Variants in EPB41L2 observed in about 807,000 individuals in gnomAD.
EPB41L2 encodes the protein erythrocyte membrane protein band 4.1 like 2.
EPB41L2 carries 43 observed loss-of-function variants against 113.0 expected under a neutral mutation model. The ratio of observed to expected loss-of-function variants is 0.38; its 90% CI spans 0.30 to 0.49. EPB41L2 has a LOEUF of 0.49. Ranked by LOEUF, EPB41L2 falls within the 20% of genes least tolerant of loss-of-function variation. EPB41L2 has a pLI of 0.95. For missense variants in EPB41L2, 1,147 were observed against 1,223.4 expected (o/e 0.94, Z 0.93); for synonymous variants, 442 against 436.7 (o/e 1.01, Z -0.15).
intron 1 of EPB41L2, among the ~76,000 whole-genome samples, chr6:130,990,830 T>C (rs977571241): frequency 2.0e-4 from 29 of 146,704 alleles, no homozygotes; most frequent in Non-Finnish European, 4.3e-4. Context: ...ACAGGTAATT[T>C]TTTTTTTTTT....
In EPB41L2 at chr6:130,955,212, T is replaced by C; in HGVS notation, c.598A>G (p.Asn200Asp). The change falls in exon 3 of 20, where the codon AAT becomes GAT. Residue 200 changes from asparagine (N) to aspartate (D), a missense_variant. By Grantham distance (23) the Asn-to-Asp change is conservative (BLOSUM62 1). Transcript: ENST00000337057. ...AKRETKEVQTNELKAEKASQK... is the reference protein window; with the variant it reads ...AKRETKEVQTDELKAEKASQK... ...GATGCCTTCTCTGCTTTCAGCTCAT[T>C]GGTCTGCACTTCCTTGGTCTCCCTT... The C allele has an allele frequency of 6.2e-7, 1 of 1,614,200 alleles. No homozygotes were observed. Among genetic ancestry groups the C allele is most frequent in the South Asian group, 1.1e-5 (1 of 91,084 alleles).
chr6:130,879,790 T>C (rs898286233), intron 13 of EPB41L2, among the ~76,000 whole-genome samples: 1 of 152,222 alleles, frequency 6.6e-6, no homozygotes, highest in South Asian at 2.1e-4. Flanking sequence ...TTCTAGTTAA[T>C]ACATATTAAG....
intron 1 of EPB41L2, among the ~76,000 whole-genome samples, chr6:131,037,595 T>G (rs1793596315): frequency 6.7e-6 from 1 of 149,786 alleles, no homozygotes; most frequent in Non-Finnish European, 1.5e-5. Context: ...ATTTTTTTTT[T>G]TTTTTTTTTT....
At chr6:131,030,044 T>C (rs1000780700) in intron 1 of EPB41L2, among the ~76,000 whole-genome samples, 19 of 151,860 alleles carry the variant, frequency 1.3e-4, no homozygotes, top group Non-Finnish European at 1.9e-4. Flanking sequence ...CTTTAACAAA[T>C]GGTTCAGGGC....
chr6:130,908,579 A>C (rs1462023157), intron 5 of EPB41L2, among the ~76,000 whole-genome samples: 1 of 152,210 alleles, frequency 6.6e-6, no homozygotes, highest in Non-Finnish European at 1.5e-5. Flanking sequence ...AAAATGTCAG[A>C]TGTTACTTGG....
At chr6:130,969,208 T>A (rs1243512678) in intron 1 of EPB41L2, among the ~76,000 whole-genome samples, 4 of 151,118 alleles carry the variant, frequency 2.6e-5, no homozygotes. Context: ...AGACAATTCT[T>A]CCTTGTGACA....
intron 19 of EPB41L2, among the ~76,000 whole-genome samples, chr6:130,851,323 C>T (rs1778724266): frequency 6.6e-6 from 1 of 152,162 alleles, no homozygotes. Context: ...CTTATGAGTT[C>T]ATGTTTTGAA....
At chr6:130,844,956 C>G (rs1010341447) in intron 19 of EPB41L2, among the ~76,000 whole-genome samples, 2 of 152,252 alleles carry the variant, frequency 1.3e-5, no homozygotes, top group South Asian at 2.1e-4. Flanking sequence ...GCAGGAGAAT[C>G]GCTTGAACCC....
In EPB41L2 at chr6:130,993,801, A is replaced by T. The variant is rs1186666462; in HGVS notation, c.-14-37302T>A. Reference sequence around the variant, plus strand: ...ATTCCTATCTATTTGGTTATAGAAAAGGTAAAGCAGAGTAGGTTGCCCCAG... The same window carrying T: ...ATTCCTATCTATTTGGTTATAGAAATGGTAAAGCAGAGTAGGTTGCCCCAG... On this transcript the variant is annotated intron_variant, in intron 1 of 19. Transcript: ENST00000337057. Among the ~76,000 whole-genome samples the T allele has an allele frequency of 5.3e-5, 8 of 152,196 alleles. No individual in the cohort carries two copies. The East Asian group carries it at 1.5e-3, about 29-fold the overall frequency.
rs187001136 is a variant in EPB41L2 at position 130,954,256 on chromosome 6, T to A, written c.705+849A>T. 1.4e-4 allele frequency among the ~76,000 whole-genome samples: 21 copies of A among 152,020 alleles called. 1 individual carries two copies. The highest frequency in any genetic ancestry group is 1.2e-3 in the Admixed American group (19 of 15,256). On this transcript the variant is annotated intron_variant, in intron 3 of 19. Coordinates refer to ENST00000337057, the MANE Select transcript of EPB41L2 (RefSeq NM_001431.4). ...TTTTAGTAGAGACAGGGTTTCACCA[T>A]GTTAGCCAGGATGGTCTGGATCTCC...
intron 18 of EPB41L2, 151 bp from the exon 19 acceptor site, chr6:130,858,394 G>C: frequency 1.8e-6 from 1 of 565,302 alleles, no homozygotes; most frequent in Middle Eastern, 4.1e-4. Flanking sequence ...ATTTGAAATG[G>C]GTTCACTGTC....
At chr6:130,993,358 A>G (rs1425632099) in intron 1 of EPB41L2, among the ~76,000 whole-genome samples, 2 of 152,190 alleles carry the variant, frequency 1.3e-5, no homozygotes, top group Admixed American at 1.3e-4. Flanking sequence ...CCCAACATAT[A>G]TTTCTAAAAC....
At chr6:130,899,443 T>G (rs1194126201) in intron 8 of EPB41L2, 48 bp downstream of exon 8, 1 of 1,506,992 alleles carries the variant, frequency 6.6e-7, no homozygotes, top group East Asian at 2.3e-5. Flanking sequence ...TCTCAAAACC[T>G]CAGTCAACAG....
chr6:130,962,487 G>T (rs1773832644), intron 1 of EPB41L2, among the ~76,000 whole-genome samples: 1 of 152,146 alleles, frequency 6.6e-6, no homozygotes, highest in Admixed American at 6.5e-5. Context: ...GGGACTATTT[G>T]TTAGTTCATA....
At chr6:131,021,881 C>T (rs888353736) in intron 1 of EPB41L2, among the ~76,000 whole-genome samples, 12 of 152,124 alleles carry the variant, frequency 7.9e-5, no homozygotes, top group African/African-American at 2.7e-4. Context: ...CACTATAAGC[C>T]GGCAGTCCCA....
At chr6:130,955,396 A>G (rs1003014492) in intron 2 of EPB41L2, 79 bp from the exon 3 acceptor site, 4 of 1,342,096 alleles carry the variant, frequency 3.0e-6, no homozygotes, top group South Asian at 2.6e-5. Context: ...AAAATCTTTC[A>G]TAAGAATTAG....
chr6:131,002,264 G>C (rs1480180462), intron 1 of EPB41L2, among the ~76,000 whole-genome samples: 1 of 152,074 alleles, frequency 6.6e-6, no homozygotes, highest in African/African-American at 2.4e-5. Context: ...AATGCACTCA[G>C]AACGTTTTTC....
intron 1 of EPB41L2, among the ~76,000 whole-genome samples, chr6:131,000,418 G>A (rs2128710910): frequency 6.6e-6 from 1 of 151,238 alleles, no homozygotes; most frequent in Admixed American, 6.6e-5. Context: ...TAACTTTTAG[G>A]AAGAAAAATA....
At chr6:130,857,824 A>G (rs539938673) in intron 19 of EPB41L2, among the ~76,000 whole-genome samples, 1 of 152,328 alleles carries the variant, frequency 6.6e-6, no homozygotes, top group South Asian at 2.1e-4. Context: ...AGCATCTTCC[A>G]GAAAGGGTCA....
Sources: allele counts gnomAD v4.1 joint callset (sites outside exome capture counted in the v4.1 genomes callset), GRCh38; gene constraint gnomAD v4.1.1; transcripts MANE v1.5; gene names NCBI Gene and HGNC (gene_info 2026-07-23, HGNC 2026-07-21).